Variants in WWOX observed in about 807,000 individuals in gnomAD.
The protein encoded by WWOX is WW domain containing oxidoreductase.
Under a neutral mutation model 46.2 loss-of-function variants are expected in WWOX, and 69 were observed. The ratio of observed to expected loss-of-function variants is 1.49; its 90% CI spans 1.23 to 1.82. The LOEUF (loss-of-function observed/expected upper bound fraction) is 1.82. Ranked by LOEUF, WWOX falls within the 40% of genes most tolerant of loss-of-function variation. WWOX has a pLI of 0.00. For missense variants in WWOX, 919 were observed against 542.6 expected (o/e 1.69, Z -6.89); for synonymous variants, 359 against 202.6 (o/e 1.77, Z -6.56).
chr16:78,702,196 C>T (rs1180734493), intron 8 of WWOX, among the ~76,000 whole-genome samples: 2 of 148,134 alleles, frequency 1.4e-5, no homozygotes, highest in African/African-American at 5.0e-5. Flanking sequence ...AGGAGAGTCA[C>T]TTAAGACTGG....
chr16:78,710,412 C>T (rs1030150506), intron 8 of WWOX, among the ~76,000 whole-genome samples: 1 of 140,226 alleles, frequency 7.1e-6, no homozygotes, highest in African/African-American at 2.7e-5. Flanking sequence ...GCAGCATTGG[C>T]CACACCAGTG....
chr16:78,109,921 G>C, intron 3 of WWOX, 86 bp downstream of exon 3: 1 of 1,403,498 alleles, frequency 7.1e-7, no homozygotes, highest in Non-Finnish European at 1.0e-6. Context: ...AGTAACTGTA[G>C]AAAAATACAA....
intron 8 of WWOX, among the ~76,000 whole-genome samples, chr16:78,824,013 A>C (rs2051579770): frequency 6.6e-6 from 1 of 152,104 alleles, no homozygotes; most frequent in Non-Finnish European, 1.5e-5. Context: ...GCCTCAAAGC[A>C]ATCCTCCTGC....
At chr16:78,886,853 G>C (rs2044469291) in intron 8 of WWOX, among the ~76,000 whole-genome samples, 2 of 151,994 alleles carry the variant, frequency 1.3e-5, no homozygotes, top group Admixed American at 1.3e-4. Flanking sequence ...AGCTTTGTTA[G>C]AGTCTTATGG....
intron 5 of WWOX, among the ~76,000 whole-genome samples, chr16:78,209,410 A>G (rs1473323353): frequency 6.6e-6 from 1 of 152,234 alleles, no homozygotes; most frequent in Non-Finnish European, 1.5e-5. Context: ...TCAGAGCTAC[A>G]CAATTCTATC....
chr16:78,689,724 C>T (rs1176349675), intron 8 of WWOX, among the ~76,000 whole-genome samples: 1 of 152,196 alleles, frequency 6.6e-6, no homozygotes, highest in Non-Finnish European at 1.5e-5. Context: ...TATAAATCTC[C>T]AGCTGTCTTT....
intron 8 of WWOX, among the ~76,000 whole-genome samples, chr16:79,122,528 T>G (rs1356265529): frequency 6.6e-6 from 1 of 151,888 alleles, no homozygotes; most frequent in Non-Finnish European, 1.5e-5. Flanking sequence ...TCCTTCCTTC[T>G]CTCTATCCTT....
intron 8 of WWOX, among the ~76,000 whole-genome samples, chr16:79,021,332 A>G (rs1310317349): frequency 2.0e-5 from 3 of 152,182 alleles, no homozygotes; most frequent in African/African-American, 7.2e-5. Flanking sequence ...TACTCTCAAG[A>G]AACTCGCTTT....
At chr16:78,426,235 G>A (rs920065435) in intron 7 of WWOX, among the ~76,000 whole-genome samples, 1 of 152,190 alleles carries the variant, frequency 6.6e-6, no homozygotes, top group African/African-American at 2.4e-5. Flanking sequence ...GAGTGGCCCT[G>A]TTAAGGGGCG....
intron 8 of WWOX, among the ~76,000 whole-genome samples, chr16:78,838,263 G>C (rs114023704): frequency 1.3e-5 from 2 of 152,044 alleles, no homozygotes; most frequent in South Asian, 2.1e-4. Flanking sequence ...CAAAGCGAGC[G>C]TCAAAAAAAG....
chr16:78,558,504 C>G (rs1004912036), intron 8 of WWOX, among the ~76,000 whole-genome samples: 1 of 152,204 alleles, frequency 6.6e-6, no homozygotes, highest in Non-Finnish European at 1.5e-5. Context: ...AGCGGCTGCC[C>G]CTCTTTAGCT....
intron 8 of WWOX, among the ~76,000 whole-genome samples, chr16:78,872,381 C>T (rs1029774158): frequency 3.9e-5 from 6 of 152,086 alleles, no homozygotes; most frequent in South Asian, 2.1e-4. Context: ...CTATTACTAA[C>T]GTCATTATTA....
chr16:78,319,772 C>T (rs916131659), intron 5 of WWOX, among the ~76,000 whole-genome samples: 10 of 152,208 alleles, frequency 6.6e-5, no homozygotes, highest in African/African-American at 2.4e-4. Flanking sequence ...TCTCTCTGTG[C>T]TACCCCTTGA....
intron 8 of WWOX, among the ~76,000 whole-genome samples, chr16:78,697,455 G>C (rs368214560): frequency 2.6e-5 from 4 of 152,290 alleles, no homozygotes; most frequent in African/African-American, 9.6e-5. Flanking sequence ...ACAGTCAGCA[G>C]AGTAAACAGA....
chr16:78,186,790 G>GT (rs2035721012), intron 5 of WWOX, among the ~76,000 whole-genome samples: 1 of 152,118 alleles, frequency 6.6e-6, no homozygotes, highest in South Asian at 2.1e-4. Context: ...AAAAAGCTTT[G>GT]TTTTAAAATA....
rs79294211 is a variant in WWOX at position 78,108,347 on chromosome 16, A to G, written c.108-76A>G. On this transcript the variant is annotated intron_variant, in intron 1 of 8. Transcript: ENST00000566780. ...TTATATCTGGCTATCTGGGAGAGAAAAAATTTAATACAATTGATTACTTTT... is the reference window on the plus strand; with the variant it reads ...TTATATCTGGCTATCTGGGAGAGAAGAAATTTAATACAATTGATTACTTTT... The G allele has an allele frequency of 2.5e-3, 3,767 of 1,486,486 alleles. 89 individuals carry two copies. The African/African-American group carries it at 0.048, about 19-fold the overall frequency. 92.1% of individuals were successfully genotyped at this position (1,486,486 alleles called of 1,614,324 possible). A position where few individuals can be genotyped will look rare whatever the true frequency, so the allele number is the denominator to read the frequency against.
intron 8 of WWOX, among the ~76,000 whole-genome samples, chr16:78,992,177 C>T (rs1199871578): frequency 6.6e-6 from 1 of 152,340 alleles, no homozygotes; most frequent in East Asian, 1.9e-4. Flanking sequence ...CTGCTTGGGA[C>T]ATTGGGCCGT....
At chr16:78,776,654 T>C (rs766284190) in intron 8 of WWOX, among the ~76,000 whole-genome samples, 3 of 152,024 alleles carry the variant, frequency 2.0e-5, no homozygotes, top group African/African-American at 7.2e-5. Flanking sequence ...TGCCCGAGAT[T>C]GGGAAATTTA....
At chr16:78,556,784 C>T (rs111671621) in intron 8 of WWOX, among the ~76,000 whole-genome samples, 4 of 152,160 alleles carry the variant, frequency 2.6e-5, no homozygotes, top group African/African-American at 7.2e-5. Context: ...GGCATGATCT[C>T]GGCTCACTGC....
Sources: allele counts gnomAD v4.1 joint callset (sites outside exome capture counted in the v4.1 genomes callset), GRCh38; gene constraint gnomAD v4.1.1; transcripts MANE v1.5; gene names NCBI Gene and HGNC (gene_info 2026-07-23, HGNC 2026-07-21).